STK3: variants seen among roughly 807,000 people sequenced by gnomAD.
STK3 encodes serine/threonine kinase 3, also known as serine/threonine-protein kinase 3.
A neutral mutation model predicts 58.0 loss-of-function variants in STK3; 41 were observed. The observed-to-expected ratio is 0.71, with a 90% CI of 0.55 to 0.92. The LOEUF (loss-of-function observed/expected upper bound fraction) is 0.92, where lower values mean the gene tolerates loss of function less well. Among genes scored for constraint, STK3 ranks in the 40% least tolerant of loss-of-function variants. The pLI is 0.00. For synonymous variants in STK3, 170 were observed against 191.0 expected, an observed-to-expected ratio of 0.89 and a Z score of 0.91; for missense variants, 479 against 602.7, an observed-to-expected ratio of 0.79 and a Z score of 2.15.
intron 10 of STK3, among the ~76,000 whole-genome samples, chr8:98,479,965 C>T (rs1047496207): frequency 3.3e-5 from 5 of 152,006 alleles, no homozygotes; most frequent in African/African-American, 1.2e-4. Context: ...AAAAAGCTTA[C>T]TGGATAGGCT....
At chr8:98,742,101 C>G (rs1410644406) in intron 4 of STK3, among the ~76,000 whole-genome samples, 2 of 151,842 alleles carry the variant, frequency 1.3e-5, no homozygotes, top group Non-Finnish European at 2.9e-5. Context: ...AGCTTACCAA[C>G]CAAAAAGAGT....
chr8:98,372,956 T>C (rs1477092774), intron 2 of STK3, among the ~76,000 whole-genome samples: 2 of 152,228 alleles, frequency 1.3e-5, no homozygotes, highest in African/African-American at 4.8e-5. Context: ...ATAAATATTA[T>C]CAGTCTTACT....
chr8:98,899,846 C>A (rs1038602418), intron 1 of STK3, among the ~76,000 whole-genome samples: 4 of 152,178 alleles, frequency 2.6e-5, no homozygotes, highest in Non-Finnish European at 5.9e-5. Context: ...TCCTTACTGC[C>A]TTTCCTATTC....
At chr8:98,611,342 TAA>T (rs958242292) in intron 6 of STK3, among the ~76,000 whole-genome samples, 1 of 151,552 alleles carries the variant, frequency 6.6e-6, no homozygotes, top group African/African-American at 2.4e-5. Context: ...AGTTTATAAT[TAA>T]AAAAAGACAC....
At chr8:98,523,063 T>C (rs1014567639) in intron 10 of STK3, among the ~76,000 whole-genome samples, 1 of 152,108 alleles carries the variant, frequency 6.6e-6, no homozygotes, top group East Asian at 1.9e-4. Context: ...TACCCAGAGG[T>C]AGAATTGCTG....
intron 10 of STK3, among the ~76,000 whole-genome samples, chr8:98,513,114 GA>G (rs1824648647): frequency 6.6e-6 from 1 of 152,164 alleles, no homozygotes; most frequent in Non-Finnish European, 1.5e-5. Context: ...AATGCTGACT[GA>G]AAGTGTTTAA....
chr8:98,543,801 G>T (rs944714811), intron 9 of STK3, among the ~76,000 whole-genome samples: 3 of 152,130 alleles, frequency 2.0e-5, no homozygotes, highest in East Asian at 1.9e-4. Flanking sequence ...GGGCCCAAAT[G>T]GGGGAGAAGG....
intron 1 of STK3, among the ~76,000 whole-genome samples, chr8:98,937,256 A>C (rs1283119825): frequency 1.3e-5 from 2 of 152,214 alleles, no homozygotes; most frequent in Non-Finnish European, 2.9e-5. Context: ...AGGAAGTGAG[A>C]ATCAGCTTGA....
rs901973436 is a variant in STK3, at chr8:98,648,785, G to A, written c.685-52616C>T. 5.9e-5 allele frequency among the ~76,000 whole-genome samples: 9 copies of A among 152,116 alleles called. No homozygotes were observed. The South Asian group carries it at 6.2e-4, about 11-fold the overall frequency. On this transcript the variant is annotated intron_variant, in intron 6 of 10. Coordinates refer to ENST00000419617, the MANE Select transcript of STK3 (RefSeq NM_006281.4). ...CACCCACCTGTAGTCCCAGCTACTC[G>A]GGAGGCTGAGGCAGGAGAATCACTT...
intron 9 of STK3, among the ~76,000 whole-genome samples, chr8:98,532,205 A>T (rs1260052442): frequency 6.6e-6 from 1 of 152,188 alleles, no homozygotes; most frequent in Non-Finnish European, 1.5e-5. Flanking sequence ...TTTGATTTAA[A>T]GTGAGAGATG....
intron 8 of STK3, among the ~76,000 whole-genome samples, chr8:98,563,511 A>T (rs1812229766): frequency 6.6e-6 from 1 of 152,188 alleles, no homozygotes; most frequent in Admixed American, 6.5e-5. Context: ...GAGAGGGCAC[A>T]GAAGCAACAA....
At chr8:98,849,382 T>G (rs2131826834) in intron 3 of STK3, among the ~76,000 whole-genome samples, 1 of 152,260 alleles carries the variant, frequency 6.6e-6, no homozygotes, top group South Asian at 2.1e-4. Context: ...ATAATCCAAG[T>G]GTTCAGTTCT....
intron 10 of STK3, among the ~76,000 whole-genome samples, chr8:98,486,966 C>G (rs1185965840): frequency 6.6e-6 from 1 of 151,942 alleles, no homozygotes; most frequent in African/African-American, 2.4e-5. Flanking sequence ...TCTACTGCTG[C>G]TAAGAGGCAA....
chr8:98,598,199 A>G (rs1815997641), intron 6 of STK3: 2 of 985,264 alleles, frequency 2.0e-6, no homozygotes. Context: ...ATGTCCTTGA[A>G]GCCAATGCTC....
chr8:98,767,392 A>AT, intron 2 of STK3, 21 bp from the exon 3 acceptor site: 1 of 1,566,506 alleles, frequency 6.4e-7, no homozygotes, highest in Admixed American at 2.1e-5. Context: ...CCAAGACATT[A>AT]TTTTTTTCCT....
intron 6 of STK3, among the ~76,000 whole-genome samples, chr8:98,684,977 GTGTC>G (rs1823886274): frequency 6.6e-6 from 1 of 152,186 alleles, no homozygotes; most frequent in African/African-American, 2.4e-5. Flanking sequence ...GTGTGTGTGT[GTGTC>G]TGTACACATG....
At chr8:98,523,356 T>C (rs969282138) in intron 10 of STK3, among the ~76,000 whole-genome samples, 1 of 151,920 alleles carries the variant, frequency 6.6e-6, no homozygotes, top group Non-Finnish European at 1.5e-5. Context: ...TGGAGGAATA[T>C]CTATTTAAGT....
chr8:98,366,020 T>C, the STK3 span, among the ~76,000 whole-genome samples: 2 of 152,184 alleles, frequency 1.3e-5, no homozygotes, highest in South Asian at 2.1e-4. Context: ...AGATATAACC[T>C]AGAAGAGGAG....
At chr8:98,759,418 T>C (rs1330073035) in intron 3 of STK3, among the ~76,000 whole-genome samples, 1 of 152,150 alleles carries the variant, frequency 6.6e-6, no homozygotes, top group African/African-American at 2.4e-5. Flanking sequence ...TAGTTCACCA[T>C]CTTACAAAGG....
Sources: gnomAD v4.1 joint callset for allele counts (sites outside exome capture counted in the v4.1 genomes callset) on GRCh38, gnomAD v4.1.1 for gene constraint, MANE v1.5 for transcripts, NCBI Gene and HGNC (gene_info 2026-07-23, HGNC 2026-07-21) for gene names.